The following ZFP64 variants were observed in gnomAD, a reference collection of about 807,000 sequenced individuals.
ZFP64 encodes the protein zinc finger protein 64.
A neutral mutation model predicts 51.6 loss-of-function variants in ZFP64; 14 were observed. That is an observed-to-expected ratio of 0.27 (90% CI 0.18 to 0.42). The LOEUF (loss-of-function observed/expected upper bound fraction) is 0.42. Ranked by LOEUF, ZFP64 falls within the 10% of genes least tolerant of loss-of-function variation. ZFP64 has a pLI of 1.00. For missense variants in ZFP64, 754 were observed against 906.8 expected, an observed-to-expected ratio of 0.83 and a Z score of 2.16; for synonymous variants, 375 against 361.4, an observed-to-expected ratio of 1.04 and a Z score of -0.43.
exon 9 of ZFP64, chr20:52,084,520 C>A: frequency 6.3e-7 from 1 of 1,578,590 alleles, no homozygotes; most frequent in South Asian, 1.2e-5. Flanking sequence ...CAGCACTGGT[C>A]AGAAGTTCCG....
At chr20:52,142,388 A>ACACACGCG (rs776883572) in intron 5 of ZFP64, among the ~76,000 whole-genome samples, 1,869 of 148,630 alleles carry the variant, frequency 0.013, 39 homozygotes, top group Non-Finnish European at 0.017. Context: ...ACACACACAC[A>ACACACGCG]CACACACACA....
chr20:52,104,996 G>C, intron 5 of ZFP64: 1 of 1,059,978 alleles, frequency 9.4e-7, no homozygotes, highest in Non-Finnish European at 1.3e-6. Flanking sequence ...GCCCAGGTCC[G>C]AGTCCCAGGA....
At chr20:52,104,648 G>T (rs1238686348) in intron 5 of ZFP64, 2 of 470,178 alleles carry the variant, frequency 4.3e-6, no homozygotes, top group Admixed American at 2.4e-5. Context: ...TCTTCCCCCG[G>T]GTACCTGCAC....
rs569277938 is a variant in ZFP64 at position 52,179,052 on chromosome 20, T to A, written c.286+7780A>T. Among the ~76,000 whole-genome samples the A allele has an allele frequency of 2.6e-5, 4 of 152,302 alleles. No individual in the cohort carries two copies. In the South Asian group the frequency reaches 8.3e-4, roughly 32 times the overall value. ...TGAATTGTAACTCCCACAATTCCCA[T>A]GTATCATGGGAGGAACCTGGTGGGA... is the stretch of plus-strand genomic sequence containing the variant. On this transcript the variant is annotated intron_variant, in intron 2 of 5. Coordinates refer to ENST00000216923, the MANE Select transcript of ZFP64 (RefSeq NM_018197.3).
In ZFP64 at chr20:52,086,541, A is replaced by C. The variant is rs547745077; in HGVS notation, c.1229-1275T>G. On this transcript the variant is annotated intron_variant, in intron 8 of 8. Coordinates refer to the ZFP64 transcript ENST00000361387. ...CGCCCAGGCTGGAGTGCAGTGACGC[A>C]ATCTCAGCTCACTGCAAGCTCCGCC... 4.4e-4 allele frequency among the ~76,000 whole-genome samples: 66 copies of C among 150,760 alleles called. 1 individual carries two copies. Among genetic ancestry groups the C allele is most frequent in the African/African-American group, 1.5e-3 (63 of 41,028 alleles).
At position 52,095,184 on chromosome 20, in the gene ZFP64, T is replaced by C. The variant is rs552966243; in HGVS notation, c.976+2189A>G. Among the ~76,000 whole-genome samples the C allele has an allele frequency of 7.2e-5, 11 of 152,240 alleles. 1 individual carries two copies. The highest frequency in any genetic ancestry group is 1.5e-4 in the Non-Finnish European group (10 of 68,044). On this transcript the variant is annotated intron_variant, in intron 7 of 8. Coordinates refer to the ZFP64 transcript ENST00000361387. ...CTCCTCTTGGTAACAGAACCTTCTT[T>C]GCAGCTGGGCACACAACCGCACAGG...
chr20:52,105,236 A>G, intron 5 of ZFP64: 1 of 1,338,624 alleles, frequency 7.5e-7, no homozygotes, highest in Non-Finnish European at 9.5e-7. Flanking sequence ...GCGCCGCGAC[A>G]TGGCGCGAGG....
chr20:52,149,202 AAATT>A (rs1366479138), downstream of ZFP64, among the ~76,000 whole-genome samples: 1 of 152,112 alleles, frequency 6.6e-6, no homozygotes, highest in African/African-American at 2.4e-5. Context: ...ATCATTGTGA[AAATT>A]AATCCGTATT....
At chr20:52,100,041 TGGATTGCA>T (rs2079034083) in intron 5 of ZFP64, among the ~76,000 whole-genome samples, 1 of 152,242 alleles carries the variant, frequency 6.6e-6, no homozygotes, top group Non-Finnish European at 1.5e-5. Flanking sequence ...TCACCCAGGC[TGGATTGCA>T]GTGGTGTGAT....
At chr20:52,178,760 G>GT (rs1194164849) in intron 2 of ZFP64, among the ~76,000 whole-genome samples, 1 of 151,962 alleles carries the variant, frequency 6.6e-6, no homozygotes, top group East Asian at 1.9e-4. Flanking sequence ...TTCAAAGCCG[G>GT]TTATACATTT....
chr20:52,191,697 A>G lies in ZFP64; in HGVS notation c.-61T>C. The G allele has an allele frequency of 6.5e-7, 1 of 1,537,526 alleles. No individual in the cohort carries two copies. Among genetic ancestry groups the G allele is most frequent in the Non-Finnish European group, 8.7e-7 (1 of 1,145,596 alleles). ...GCCAAAGTGGGGGACGCTGATCTAC[A>G]TGGTGCAAGGACTTTTCCTTTTATT... is the stretch of plus-strand genomic sequence containing the variant. On this transcript the variant is annotated 5_prime_UTR_variant, in exon 1 of 6. An upstream start codon of the reference 5' UTR is lost. Transcript: ENST00000216923. The surrounding 1 kb of genome is among the most constrained non-coding windows in gnomAD (Gnocchi z 4.3).
At position 52,130,939 on chromosome 20, in the gene ZFP64, G is replaced by A. The variant is rs368626423; in HGVS notation, c.763+29184C>T. The stretch of plus-strand genomic sequence containing the variant: ...AAATTAGCCAGGCATTGTGGCGGGC[G>A]CCTGTAGTCCCAGCTACTCAGGAGG... On this transcript the variant is annotated intron_variant, in intron 5 of 8. Transcript: ENST00000361387. Among the ~76,000 whole-genome samples, 215 of 151,982 alleles carry A rather than the reference G, an allele frequency of 1.4e-3. 1 individual carries two copies. The highest frequency in any genetic ancestry group is 4.4e-3 in the African/African-American group (182 of 41,484).
At chr20:52,162,881 C>T (rs4811305) in intron 4 of ZFP64, among the ~76,000 whole-genome samples, 39,842 of 152,008 alleles carry the variant, frequency 0.26, 5,409 homozygotes, top group Admixed American at 0.31. Context: ...AGCATACCCC[C>T]ACTCTCTGAA....
chr20:52,117,275 A>G (rs1364157099), intron 5 of ZFP64, among the ~76,000 whole-genome samples: 1 of 151,284 alleles, frequency 6.6e-6, no homozygotes, highest in Non-Finnish European at 1.5e-5. Context: ...GGTGATCCAT[A>G]TTCATGTTAC....
At chr20:52,086,207 T>C (rs968165297) in intron 8 of ZFP64, among the ~76,000 whole-genome samples, 6 of 152,224 alleles carry the variant, frequency 3.9e-5, no homozygotes, top group African/African-American at 9.6e-5. Flanking sequence ...AGAAGCCAAC[T>C]ATAAATAATT....
chr20:52,105,346 C>A, intron 5 of ZFP64: 1 of 1,245,700 alleles, frequency 8.0e-7, no homozygotes, highest in Non-Finnish European at 1.0e-6. Context: ...CATGTCCCGG[C>A]AATTCTGCTC....
intron 1 of ZFP64, 34 bp from the exon 2 acceptor site, chr20:52,187,105 T>C: frequency 6.3e-7 from 1 of 1,581,912 alleles, no homozygotes; most frequent in Non-Finnish European, 8.6e-7. Context: ...ACGGATTAAT[T>C]CCAAACAGCT....
At chr20:52,134,617 C>A (rs543499376) in intron 5 of ZFP64, among the ~76,000 whole-genome samples, 3 of 152,100 alleles carry the variant, frequency 2.0e-5, no homozygotes, top group East Asian at 1.9e-4. Flanking sequence ...GCCATTCCCA[C>A]GATAGGAAAC....
At chr20:52,149,975 G>A (rs192847026), downstream of ZFP64, among the ~76,000 whole-genome samples, 96 of 152,214 alleles carry the variant, frequency 6.3e-4, no homozygotes, top group African/African-American at 2.2e-3. Context: ...TTGGGAGACC[G>A]AGGTGGGTGG....
Sources: gnomAD v4.1 joint callset for allele counts (sites outside exome capture counted in the v4.1 genomes callset) on GRCh38, gnomAD v4.1.1 for gene constraint, Gnocchi (gnomAD v3.1) non-coding constraint, MANE v1.5 for transcripts, NCBI Gene and HGNC (gene_info 2026-07-23, HGNC 2026-07-21) for gene names.